TFEC: variants seen among roughly 807,000 people sequenced by gnomAD.
TFEC encodes the protein class E basic helix-loop-helix protein 34.
TFEC carries 31 observed loss-of-function variants against 41.6 expected under a neutral mutation model. That is an observed-to-expected ratio of 0.74 (90% confidence interval 0.56 to 1.01). The LOEUF is 1.01. Ranked by LOEUF, TFEC falls within the 50% of genes least tolerant of loss-of-function variation. The probability of loss-of-function intolerance (pLI) is 0.00; values close to 1 mark genes in which losing one functional copy is unlikely to be tolerated. For synonymous variants in TFEC, 143 were observed against 140.6 expected (o/e 1.02, Z -0.12); for missense variants, 402 against 404.1 (o/e 0.99, Z 0.04).
chr7:116,080,084 G>C (rs894846252), intron 3 of TFEC, among the ~76,000 whole-genome samples: 6 of 152,010 alleles, frequency 3.9e-5, no homozygotes, highest in Non-Finnish European at 7.4e-5. Flanking sequence ...GTGAAGAAAT[G>C]ACATCCTATT....
chr7:116,156,100 AGT>A (rs1798866061), intron 1 of TFEC, among the ~76,000 whole-genome samples: 1 of 152,158 alleles, frequency 6.6e-6, no homozygotes, highest in African/African-American at 2.4e-5. Flanking sequence ...ATGCTGAAGG[AGT>A]CCTGGTTACT....
At chr7:116,074,872 C>T (rs1259102183) in intron 3 of TFEC, among the ~76,000 whole-genome samples, 1 of 152,122 alleles carries the variant, frequency 6.6e-6, no homozygotes, top group East Asian at 1.9e-4. Context: ...ACCCAAATGT[C>T]CACCAATTGA....
At chr7:115,978,397 C>CA (rs1257304931) in intron 2 of TFEC, among the ~76,000 whole-genome samples, 3 of 152,158 alleles carry the variant, frequency 2.0e-5, no homozygotes, top group African/African-American at 7.2e-5. Flanking sequence ...TTTAACTCAG[C>CA]ACTCTCTAAA....
At chr7:116,040,655 C>T (rs1254054520) in intron 3 of TFEC, among the ~76,000 whole-genome samples, 1 of 152,150 alleles carries the variant, frequency 6.6e-6, no homozygotes, top group Non-Finnish European at 1.5e-5. Context: ...GTGCCCAGAT[C>T]AATGACACTG....
intron 1 of TFEC, among the ~76,000 whole-genome samples, chr7:116,008,235 C>T (rs1232305070): frequency 6.6e-6 from 1 of 152,088 alleles, no homozygotes; most frequent in Non-Finnish European, 1.5e-5. Context: ...AACATGGGTG[C>T]CTACCTAATA....
At chr7:116,059,846 A>G (rs1400530493) in intron 3 of TFEC, among the ~76,000 whole-genome samples, 1 of 152,048 alleles carries the variant, frequency 6.6e-6, no homozygotes, top group Admixed American at 6.6e-5. Context: ...CAACCCAATA[A>G]AGGGCATCTA....
intron 3 of TFEC, among the ~76,000 whole-genome samples, chr7:116,099,446 C>T (rs1368634135): frequency 1.3e-5 from 2 of 152,148 alleles, no homozygotes; most frequent in African/African-American, 2.4e-5. Flanking sequence ...TCTCCCACGG[C>T]GACTCTAGAG....
intron 1 of TFEC, among the ~76,000 whole-genome samples, chr7:116,138,701 A>C (rs570252469): frequency 7.2e-5 from 11 of 152,358 alleles, no homozygotes; most frequent in Admixed American, 3.9e-4. Flanking sequence ...AAAAGTTCAT[A>C]GCCTTGCAAA....
intron 3 of TFEC, among the ~76,000 whole-genome samples, chr7:116,104,463 A>G (rs1429163349): frequency 1.3e-5 from 2 of 152,166 alleles, no homozygotes; most frequent in African/African-American, 4.8e-5. Flanking sequence ...AAGCATGGCT[A>G]CCATTTCAGT....
chr7:115,981,283 C>T (rs1273619970), intron 2 of TFEC, among the ~76,000 whole-genome samples: 2 of 152,104 alleles, frequency 1.3e-5, no homozygotes, highest in African/African-American at 4.8e-5. Context: ...ATATGTCTTT[C>T]AACACCCAAC....
intron 1 of TFEC, among the ~76,000 whole-genome samples, chr7:115,991,783 C>T (rs879709471): frequency 1.3e-5 from 2 of 152,148 alleles, no homozygotes; most frequent in East Asian, 1.9e-4. Context: ...CCACTGTCAA[C>T]ATTAGACAGA....
intron 1 of TFEC, among the ~76,000 whole-genome samples, chr7:115,989,107 T>C (rs993089468): frequency 6.6e-6 from 1 of 152,110 alleles, no homozygotes; most frequent in African/African-American, 2.4e-5. Flanking sequence ...GAAATGCTTT[T>C]AAAAATTCCT....
rs564748112 is a variant in TFEC, at chr7:116,056,485, C to T, written c.198+54223G>A. ...ACAGAAAAAGCACCACTCAAAATGA[C>T]TAGAGGTGACAGTGACCAGTTCTCA... On this transcript the variant is annotated intron_variant, in intron 3 of 8. Transcript: ENST00000484212. 2.0e-5 allele frequency among the ~76,000 whole-genome samples: 3 copies of T among 152,256 alleles called. No individual in the cohort carries two copies. In the South Asian group the frequency reaches 6.2e-4, roughly 32 times the overall value.
rs191638128 is a variant in TFEC, at chr7:115,951,746, G to T, written c.440-797C>A. Among the ~76,000 whole-genome samples the T allele has an allele frequency of 3.3e-5, 5 of 152,048 alleles. No individual in the cohort carries two copies. In the East Asian group the frequency reaches 7.8e-4, roughly 24 times the overall value. On this transcript the variant is annotated intron_variant, in intron 5 of 7. Transcript: ENST00000265440. ...TGGGGCCAATGCTTTGAAAACTGCT[G>T]ATATAAGCTCTTATTCAGAGACTGT...
intron 3 of TFEC, among the ~76,000 whole-genome samples, chr7:115,957,314 A>G (rs1792287975): frequency 6.6e-6 from 1 of 151,812 alleles, no homozygotes. Context: ...CCTTCCTGGA[A>G]GGCATACTTT....
intron 3 of TFEC, among the ~76,000 whole-genome samples, chr7:116,053,828 T>C (rs1372304397): frequency 1.3e-5 from 2 of 152,240 alleles, no homozygotes; most frequent in Admixed American, 6.5e-5. Flanking sequence ...ATTACTTTTC[T>C]TTATAAATTA....
At chr7:116,150,574 C>T (rs992904846) in intron 1 of TFEC, among the ~76,000 whole-genome samples, 7 of 151,892 alleles carry the variant, frequency 4.6e-5, no homozygotes, top group South Asian at 2.1e-4. Flanking sequence ...CCACCACAGT[C>T]ACACGGTTAT....
chr7:115,979,609 A>T (rs1793535719), intron 2 of TFEC, among the ~76,000 whole-genome samples: 1 of 151,972 alleles, frequency 6.6e-6, no homozygotes. Context: ...TAGATTTTTT[A>T]TTTTCATTTG....
intron 6 of TFEC, among the ~76,000 whole-genome samples, chr7:115,949,612 T>C (rs2130332556): frequency 6.6e-6 from 1 of 152,198 alleles, no homozygotes; most frequent in East Asian, 1.9e-4. Context: ...GGATTCCCTA[T>C]TTAATAAATG....
Sources: gnomAD v4.1 joint callset for allele counts (sites outside exome capture counted in the v4.1 genomes callset) on GRCh38, gnomAD v4.1.1 for gene constraint, MANE v1.5 for transcripts, NCBI Gene and HGNC (gene_info 2026-07-23, HGNC 2026-07-21) for gene names.